Variants in ARFGEF3 observed in about 807,000 individuals in gnomAD.
The protein encoded by ARFGEF3 is brefeldin A-inhibited guanine nucleotide-exchange protein 3.
Under a neutral mutation model 221.7 loss-of-function variants are expected in ARFGEF3, and 96 were observed. The ratio of observed to expected loss-of-function variants is 0.43; its 90% CI spans 0.37 to 0.51. The LOEUF is 0.51. Among genes scored for constraint, ARFGEF3 ranks in the 20% least tolerant of loss-of-function variants. The pLI is 0.00. For missense variants in ARFGEF3, 2,410 were observed against 2,789.9 expected (o/e 0.86, Z 3.07); for synonymous variants, 1,145 against 1,126.8 (o/e 1.02, Z -0.32).
chr6:138,286,075 T>G, intron 15 of ARFGEF3, 22 bp downstream of exon 15: 4 of 1,318,134 alleles, frequency 3.0e-6, no homozygotes, highest in Non-Finnish European at 4.3e-6. Flanking sequence ...GGTCTTGAGT[T>G]TATGAACATC....
chr6:138,284,423 T>A (rs112531714), intron 14 of ARFGEF3, among the ~76,000 whole-genome samples: 7 of 152,220 alleles, frequency 4.6e-5, no homozygotes, highest in Admixed American at 4.6e-4. Flanking sequence ...AACTCCATAG[T>A]CACTTTTCCA....
intron 4 of ARFGEF3, among the ~76,000 whole-genome samples, chr6:138,227,605 C>G (rs140184717): frequency 1.3e-5 from 2 of 152,190 alleles, no homozygotes; most frequent in African/African-American, 4.8e-5. Context: ...GTGGCCTCTG[C>G]TGGCCACCAC....
Position 138,342,428 on chromosome 6 carries a change from T to A in ARFGEF3, c.*5942T>A, listed in dbSNP as rs1362837572. 1 of 152,196 alleles carries A rather than the reference T, an allele frequency of 6.6e-6. No homozygotes were observed. Among genetic ancestry groups the A allele is most frequent in the Non-Finnish European group, 1.5e-5 (1 of 68,020 alleles). The allele number at this position is 152,196 out of a possible 1,614,324, so 9.4% of individuals were successfully genotyped here. On this transcript the variant is annotated 3_prime_UTR_variant, in exon 34 of 34. Coordinates refer to ENST00000251691, the MANE Select transcript of ARFGEF3 (RefSeq NM_020340.5). ...CTTGGGATTGGATTCTATACAGCAGTCTTGCTCAATCTTCCCAGTTTCCAG... is the reference window on the plus strand; with the variant it reads ...CTTGGGATTGGATTCTATACAGCAGACTTGCTCAATCTTCCCAGTTTCCAG...
chr6:138,244,333 T>C (rs908600474), intron 7 of ARFGEF3, among the ~76,000 whole-genome samples: 7 of 152,278 alleles, frequency 4.6e-5, no homozygotes, highest in African/African-American at 1.7e-4. Context: ...CATTCATTTA[T>C]ACATTCATCA....
At chr6:138,180,960 G>A (rs1777067105) in intron 2 of ARFGEF3, among the ~76,000 whole-genome samples, 1 of 152,178 alleles carries the variant, frequency 6.6e-6, no homozygotes, top group South Asian at 2.1e-4. Context: ...TGCCATAGAA[G>A]ACAAAGAATA....
chr6:138,334,267 C>T lies in ARFGEF3; in HGVS notation c.5421C>T (p.Tyr1807=), dbSNP rs139864525. 54 of 1,613,606 alleles carry T rather than the reference C, an allele frequency of 3.3e-5. No homozygotes were observed. The highest frequency in any genetic ancestry group is 4.5e-5 in the Non-Finnish European group (53 of 1,179,822). ...VSGIGGAANL[Y]RQSAMSFNIY... ...GCATCGGGGGCGCCGCCAACCTCTA[C>T]CGCCAGTCTGCGATGAGCTTTAACA... Residue 1807 remains tyrosine (Y), a synonymous_variant, in exon 33 of 34, where the codon TAC becomes TAT. Coordinates refer to ENST00000251691, the MANE Select transcript of ARFGEF3 (RefSeq NM_020340.5). This position sits in a 1 kb window ranked among gnomAD's most constrained non-coding sequence, Gnocchi z 5.1.
chr6:138,219,849 G>A (rs1777947212), intron 4 of ARFGEF3, among the ~76,000 whole-genome samples: 1 of 152,102 alleles, frequency 6.6e-6, no homozygotes, highest in Non-Finnish European at 1.5e-5. Context: ...AGAAGTGCTA[G>A]TAGTTTAACA....
intron 3 of ARFGEF3, 88 bp from the exon 4 acceptor site, chr6:138,209,822 A>G (rs1013709175): frequency 7.9e-6 from 12 of 1,513,310 alleles, no homozygotes; most frequent in Non-Finnish European, 1.1e-5. Flanking sequence ...CCAGTAAGAA[A>G]ACTGATCATC....
intron 22 of ARFGEF3, among the ~76,000 whole-genome samples, chr6:138,305,651 T>G (rs1025702097): frequency 2.8e-5 from 4 of 145,276 alleles, no homozygotes; most frequent in East Asian, 2.0e-4. Context: ...CCCAGTAACA[T>G]ATAAAGAAGA....
chr6:138,333,999 T>C lies in ARFGEF3; in HGVS notation c.5153T>C (p.Leu1718Pro), dbSNP rs1353598288. The change falls in exon 33 of 34, where the codon CTG (leucine) becomes CCG (proline). Residue 1718 changes from leucine to proline, a missense_variant. By Grantham distance (98) the Leu-to-Pro change is moderately conservative. Coordinates refer to ENST00000251691, the MANE Select transcript of ARFGEF3 (RefSeq NM_020340.5). The stretch of plus-strand genomic sequence containing the variant: ...TCTTTCAGGGAAATTGTGGTGAGCC[T>C]GCTGTCTCATCAGGTGTTACTCCAG... ...SVSFREIVVS[L>P]LSHQVLLQNL... 6.2e-7 allele frequency: 1 copy of C among 1,609,836 alleles called. No homozygotes were observed. Among genetic ancestry groups the C allele is most frequent in the African/African-American group, 1.3e-5 (1 of 74,830 alleles).
chr6:138,335,727 T>C (rs935422461), intron 33 of ARFGEF3, among the ~76,000 whole-genome samples: 1 of 152,084 alleles, frequency 6.6e-6, no homozygotes, highest in Non-Finnish European at 1.5e-5. Context: ...AAGTAAGCTT[T>C]GACTAGCATT....
chr6:138,282,490 A>G (rs898344312), intron 14 of ARFGEF3, among the ~76,000 whole-genome samples: 4 of 151,768 alleles, frequency 2.6e-5, no homozygotes, highest in Non-Finnish European at 5.9e-5. Flanking sequence ...ACAAGGTGTC[A>G]GAATAAACTG....
intron 22 of ARFGEF3, among the ~76,000 whole-genome samples, chr6:138,302,726 T>C (rs1779649060): frequency 6.6e-6 from 1 of 152,228 alleles, no homozygotes; most frequent in Non-Finnish European, 1.5e-5. Flanking sequence ...GAATGAAGGC[T>C]AGAAGACAAT....
At chr6:138,297,467 C>T (rs183886527) in intron 21 of ARFGEF3, among the ~76,000 whole-genome samples, 1 of 152,320 alleles carries the variant, frequency 6.6e-6, no homozygotes, top group African/African-American at 2.4e-5. Flanking sequence ...TATGGCAGCT[C>T]TACATCTAAG....
rs7740144 is a variant in ARFGEF3, at chr6:138,342,248, T to C, written c.*5762T>C. On this transcript the variant is annotated 3_prime_UTR_variant, in exon 34 of 34. Coordinates refer to ENST00000251691, the MANE Select transcript of ARFGEF3 (RefSeq NM_020340.5). Reference sequence around the variant, plus strand: ...CCAGTTAAGTAAATCAGGAAATTTGTATTTCTAACAAGTTTATAGGTGAGG... The same window carrying C: ...CCAGTTAAGTAAATCAGGAAATTTGCATTTCTAACAAGTTTATAGGTGAGG... The C allele has an allele frequency of 0.16, 24,242 of 152,094 alleles. 3,540 individuals are homozygous for C. Among genetic ancestry groups the C allele is most frequent in the African/African-American group, 0.39 (16,221 of 41,406 alleles). 9.4% of individuals were successfully genotyped at this position (152,094 alleles called of 1,614,324 possible).
chr6:138,287,326 C>T, intron 17 of ARFGEF3, 142 bp downstream of exon 17: 1 of 642,780 alleles, frequency 1.6e-6, no homozygotes, highest in South Asian at 1.8e-5. Context: ...CACGAGATCC[C>T]ATTGAGCCAC....
Position 138,334,811 on chromosome 6 carries a change from C to T in ARFGEF3, c.5965C>T (p.Pro1989Ser), listed in dbSNP as rs749738836. Residue 1989 changes from proline to serine, a missense_variant, in exon 33 of 34, where the codon CCC becomes TCC. Physicochemically the swap from Pro to Ser is moderately conservative, Grantham distance 74 (BLOSUM62 -1). This residue lies in a region of ARFGEF3 where 339 missense variants were observed against 334.9 expected (regional missense o/e 1.01). Coordinates refer to ENST00000251691, the MANE Select transcript of ARFGEF3 (RefSeq NM_020340.5). The surrounding 1 kb of genome is among the most constrained non-coding windows in gnomAD (Gnocchi z 5.1). ...LKAGGGDLLL[P>S]PSPKVEKKDP... is the part of the protein sequence containing the mutation. ...GGCCGGTGGTGGGGACCTGCTGCTG[C>T]CCCCCAGCCCCAAAGTGGAGAAGAA... is the stretch of plus-strand genomic sequence containing the variant. 6.2e-7 allele frequency: 1 copy of T among 1,601,608 alleles called. No homozygotes were observed. The highest frequency in any genetic ancestry group is 1.7e-5 in the Admixed American group (1 of 57,954).
intron 2 of ARFGEF3, among the ~76,000 whole-genome samples, chr6:138,189,662 G>A (rs1311898957): frequency 2.6e-5 from 4 of 152,202 alleles, no homozygotes; most frequent in South Asian, 2.1e-4. Context: ...AAATTGATGC[G>A]CCATGGCAGG....
At chr6:138,323,318 A>G (rs1347673188) in intron 29 of ARFGEF3, among the ~76,000 whole-genome samples, 2 of 152,194 alleles carry the variant, frequency 1.3e-5, no homozygotes, top group Non-Finnish European at 2.9e-5. Flanking sequence ...ATGGAATTCA[A>G]GACTCCTTTG....
Sources: allele counts gnomAD v4.1 joint callset (sites outside exome capture counted in the v4.1 genomes callset), GRCh38; gene constraint gnomAD v4.1.1; regional missense constraint gnomAD v4.1.1; non-coding constraint Gnocchi (gnomAD v3.1); transcripts MANE v1.5; gene names NCBI Gene and HGNC (gene_info 2026-07-23, HGNC 2026-07-21).